Variants in ESYT3 observed in about 807,000 individuals in gnomAD.
The protein encoded by ESYT3 is extended synaptotagmin 3.
A neutral mutation model predicts 111.5 loss-of-function variants in ESYT3; 101 were observed. That is an observed-to-expected ratio of 0.91 (90% CI 0.77 to 1.07). ESYT3 has a LOEUF of 1.07. Ranked by LOEUF, ESYT3 falls within the 50% of genes least tolerant of loss-of-function variation. The pLI is 0.00. For missense variants in ESYT3, 1,097 were observed against 1,109.4 expected (o/e 0.99, Z 0.16); for synonymous variants, 416 against 446.8 (o/e 0.93, Z 0.87).
At chr3:138,465,525 G>A (rs751212742) in intron 10 of ESYT3, 104 bp downstream of exon 10, 1 of 865,572 alleles carries the variant, frequency 1.2e-6, no homozygotes, top group Non-Finnish European at 1.8e-6. Flanking sequence ...GCAACCCGCT[G>A]TGGTCACCCT....
At chr3:138,437,926 GA>G (rs1017206701) in intron 1 of ESYT3, among the ~76,000 whole-genome samples, 3 of 152,162 alleles carry the variant, frequency 2.0e-5, no homozygotes, top group African/African-American at 7.2e-5. Flanking sequence ...GAACACCTGT[GA>G]AGTGCATACA....
chr3:138,442,119 G>GT (rs36057523), intron 1 of ESYT3, among the ~76,000 whole-genome samples: 1,510 of 146,410 alleles, frequency 0.01, 9 homozygotes, highest in Admixed American at 0.014. Context: ...CTAAAAATGT[G>GT]TTTTTTTTTT....
chr3:138,473,481 G>A (rs963056311), intron 18 of ESYT3, 55 bp from the exon 19 acceptor site: 33 of 1,488,864 alleles, frequency 2.2e-5, no homozygotes, highest in Middle Eastern at 1.7e-4. Flanking sequence ...TGGGGGTGGC[G>A]GAAGAGGGCC....
At chr3:138,443,736 C>CTGTGTGTGTGTGTGTGTGTGTGTG (rs11268903) in intron 1 of ESYT3, among the ~76,000 whole-genome samples, 17 of 147,866 alleles carry the variant, frequency 1.1e-4, no homozygotes, top group African/African-American at 4.0e-4. Flanking sequence ...GTTTGTGCAT[C>CTGTGTGTGTGTGTGTGTGTGTGTG]TGTGTGTGTG....
At chr3:138,441,287 T>G (rs1019429497) in intron 1 of ESYT3, among the ~76,000 whole-genome samples, 3 of 152,346 alleles carry the variant, frequency 2.0e-5, no homozygotes, top group South Asian at 2.1e-4. Context: ...GCCAGGAGTG[T>G]CCAGGCAACC....
chr3:138,435,533 A>G lies in ESYT3; in HGVS notation c.327+408A>G, dbSNP rs2030596774. Among the ~76,000 whole-genome samples the G allele has an allele frequency of 6.6e-6, 1 of 152,214 alleles. No homozygotes were observed. The highest frequency in any genetic ancestry group is 1.5e-5 in the Non-Finnish European group (1 of 68,018). On this transcript the variant is annotated intron_variant, in intron 1 of 22. Transcript: ENST00000389567. The surrounding 1 kb of genome is among the most constrained non-coding windows in gnomAD (Gnocchi z 4.8). ...AACGAACGCCGGACGCAAAACGTAGATGGGCAAATACCGCAGTGACAGAAA... is the reference window on the plus strand; with the variant it reads ...AACGAACGCCGGACGCAAAACGTAGGTGGGCAAATACCGCAGTGACAGAAA...
Position 138,457,613 on chromosome 3 carries a change from C to T in ESYT3, c.550C>T (p.Arg184Ter), listed in dbSNP as rs772449581. 14 of 1,614,014 alleles carry T rather than the reference C, an allele frequency of 8.7e-6. No homozygotes were observed. The highest frequency in any genetic ancestry group is 1.6e-4 in the Middle Eastern group (1 of 6,072). ...CAAGGCACACACTAATACGTGCAAC[C>T]GAAGACGTGTGACTGTGGACCTGCA... ...GVKAHTNTCN[R>*]RRVTVDLQIC... is the part of the protein sequence containing the mutation. Residue 184 changes from arginine (R) to a stop codon, truncating the protein, a stop_gained, in exon 4 of 23, where the codon CGA becomes TGA. Coordinates refer to ENST00000389567, the MANE Select transcript of ESYT3 (RefSeq NM_031913.5). LOFTEE classifies it high-confidence loss of function.
chr3:138,441,800 T>C (rs1490153755), intron 1 of ESYT3, among the ~76,000 whole-genome samples: 4 of 147,940 alleles, frequency 2.7e-5, no homozygotes, highest in Admixed American at 2.1e-4. Flanking sequence ...TTCTGCCCCA[T>C]TGAGAATTAT....
chr3:138,451,120 A>T (rs1009354759), intron 1 of ESYT3, among the ~76,000 whole-genome samples: 1 of 152,222 alleles, frequency 6.6e-6, no homozygotes, highest in Non-Finnish European at 1.5e-5. Context: ...GCACTCTCAG[A>T]ATTATGTCAT....
chr3:138,462,480 C>A, intron 8 of ESYT3: 1 of 546,876 alleles, frequency 1.8e-6, no homozygotes, highest in East Asian at 2.8e-5. Flanking sequence ...TTTACATTGA[C>A]TTGTTTCATT....
Position 138,470,920 on chromosome 3 carries a change from T to C in ESYT3, c.1634T>C (p.Val545Ala), listed in dbSNP as rs1576464740. 6.2e-7 allele frequency: 1 copy of C among 1,613,936 alleles called. No individual in the cohort carries two copies. ...DQECALGMLE[V>A]PLCQILPYAD... ...GAGTGTGCTCTGGGAATGCTGGAGG[T>C]CCCCCTGTGCCAGATCCTCCCCTAT... is the stretch of plus-strand genomic sequence containing the variant. Residue 545 changes from valine to alanine, a missense_variant, in exon 17 of 23, where the codon GTC (valine) becomes GCC (alanine). Coordinates refer to ENST00000389567, the MANE Select transcript of ESYT3 (RefSeq NM_031913.5).
At chr3:138,456,662 C>T (rs1406538099) in intron 3 of ESYT3, among the ~76,000 whole-genome samples, 7 of 152,148 alleles carry the variant, frequency 4.6e-5, no homozygotes, top group Admixed American at 4.6e-4. Context: ...GTGAACTGCG[C>T]ATGTGAGGGA....
chr3:138,437,887 A>G (rs775357447), intron 1 of ESYT3, among the ~76,000 whole-genome samples: 10 of 152,076 alleles, frequency 6.6e-5, no homozygotes, highest in Non-Finnish European at 1.3e-4. Flanking sequence ...AGGATGAGAA[A>G]CAGGTCTGGG....
rs183487327 is a variant in ESYT3 at position 138,473,503 on chromosome 3, T to C, written c.2238-33T>C. ...GGCGGAAGAGGGCCAATGCTTGTTA[T>C]GGCGAGAGAAGTGATGGGCTCTTTC... On this transcript the variant is annotated intron_variant, in intron 18 of 22. Coordinates refer to ENST00000389567, the MANE Select transcript of ESYT3 (RefSeq NM_031913.5). The C allele has an allele frequency of 8.0e-4, 1,279 of 1,592,806 alleles. 15 individuals are homozygous for C. The highest frequency in any genetic ancestry group is 2.8e-4 in the Non-Finnish European group (323 of 1,161,366).
rs528264290 is a variant in ESYT3 at position 138,443,226 on chromosome 3, C to T, written c.327+8101C>T. ...GCGTGTGTTAAGGAGCTGTGGATTA[C>T]AGAACAGTGCCAGACAGATTTTCAA... On this transcript the variant is annotated intron_variant, in intron 1 of 22. Transcript: ENST00000389567. 3.3e-5 allele frequency among the ~76,000 whole-genome samples: 5 copies of T among 152,318 alleles called. No individual in the cohort carries two copies. The South Asian group carries it at 1.0e-3, about 32-fold the overall frequency.
intron 10 of ESYT3, 81 bp from the exon 11 acceptor site, chr3:138,467,476 AAAAC>A: frequency 7.3e-7 from 1 of 1,375,036 alleles, no homozygotes. Context: ...CAGATATCTG[AAAAC>A]AGAGTCCAGT....
chr3:138,444,856 G>A lies in ESYT3; in HGVS notation c.328-7192G>A, dbSNP rs950926628. 9.2e-5 allele frequency among the ~76,000 whole-genome samples: 14 copies of A among 152,232 alleles called. 1 individual carries two copies. Among genetic ancestry groups the A allele is most frequent in the Non-Finnish European group, 1.8e-4 (12 of 68,044 alleles). On this transcript the variant is annotated intron_variant, in intron 1 of 22. Coordinates refer to ENST00000389567, the MANE Select transcript of ESYT3 (RefSeq NM_031913.5). ...TGGTGACACAGCAGTGTTCTCCTAG[G>A]AGTGACAGCTGGAAACCCAGGCTGT...
In ESYT3 at chr3:138,472,715, C is replaced by G. The variant is rs779313841; in HGVS notation, c.2093C>G (p.Pro698Arg). The G allele has an allele frequency of 5.6e-6, 9 of 1,614,204 alleles. No individual in the cohort carries two copies. The South Asian group carries it at 9.9e-5, about 18-fold the overall frequency. The change falls in exon 18 of 23, where the codon CCA becomes CGA. Residue 698 changes from proline to arginine, a missense_variant. Coordinates refer to ENST00000389567, the MANE Select transcript of ESYT3 (RefSeq NM_031913.5). ...CTGACTGTCCCAGGTCCCCACTCTC[C>G]AGGGCCCATCAAGTCACCCAGACCC... ...IFLTVPGPHS[P>R]GPIKSPRPMK...
chr3:138,468,287 C>T, intron 12 of ESYT3, 93 bp downstream of exon 12: 1 of 1,169,334 alleles, frequency 8.6e-7, no homozygotes, highest in Admixed American at 1.8e-5. Flanking sequence ...GAGATGATGC[C>T]CCCTTCTTGC....
Sources: gnomAD v4.1 joint callset for allele counts (sites outside exome capture counted in the v4.1 genomes callset) on GRCh38, gnomAD v4.1.1 for gene constraint, Gnocchi (gnomAD v3.1) non-coding constraint, MANE v1.5 for transcripts, NCBI Gene and HGNC (gene_info 2026-07-23, HGNC 2026-07-21) for gene names.